Variants in CCDC60 observed in about 807,000 individuals in gnomAD.
The protein encoded by CCDC60 is coiled-coil domain containing 60.
Under a neutral mutation model 63.5 loss-of-function variants are expected in CCDC60, and 54 were observed. The observed-to-expected ratio is 0.85, with a 90% CI of 0.68 to 1.07. CCDC60 has a LOEUF of 1.07. Among genes scored for constraint, CCDC60 ranks in the 50% least tolerant of loss-of-function variants. The pLI, the probability that CCDC60 is intolerant of heterozygous loss-of-function variation, is 0.00. For synonymous variants in CCDC60, 206 were observed against 238.8 expected (o/e 0.86, Z 1.27); for missense variants, 651 against 684.3 (o/e 0.95, Z 0.54).
At chr12:119,419,422 TC>T (rs1956768171) in intron 1 of CCDC60, among the ~76,000 whole-genome samples, 1 of 152,214 alleles carries the variant, frequency 6.6e-6, no homozygotes, top group African/African-American at 2.4e-5. Context: ...GCTGTGCCCT[TC>T]CCAGTGCATC....
intron 1 of CCDC60, among the ~76,000 whole-genome samples, chr12:119,362,051 G>A (rs1022935730): frequency 6.6e-6 from 1 of 152,038 alleles, no homozygotes; most frequent in East Asian, 1.9e-4. Flanking sequence ...GATTGTCCTG[G>A]ACAAACACAT....
At chr12:119,362,190 G>T (rs564408659) in intron 1 of CCDC60, among the ~76,000 whole-genome samples, 1 of 152,184 alleles carries the variant, frequency 6.6e-6, no homozygotes, top group South Asian at 2.1e-4. Context: ...AGACTTGGAG[G>T]TTGATTCTAG....
chr12:119,498,041 T>G (rs147184139), intron 5 of CCDC60, among the ~76,000 whole-genome samples: 2 of 152,326 alleles, frequency 1.3e-5, no homozygotes, highest in African/African-American at 4.8e-5. Flanking sequence ...ACTTTGGGTC[T>G]GTGTGCATTT....
At position 119,500,105 on chromosome 12, in the gene CCDC60, TA is replaced by T. The variant is rs759057262; in HGVS notation, c.592del (p.Ile198SerfsTer44). 1.2e-6 allele frequency: 2 copies of T among 1,611,672 alleles called. No homozygotes were observed. The highest frequency in any genetic ancestry group is 2.2e-5 in the South Asian group (2 of 90,588). On this transcript the variant is annotated frameshift_variant, in exon 6 of 14. Coordinates refer to ENST00000327554, the MANE Select transcript of CCDC60 (RefSeq NM_178499.5). LOFTEE classifies it high-confidence loss of function. ...KDPGGSKSTI[K>X]KINKDKSMGQ... ...ACCCGGGTGGAAGCAAGAGCACCAT[TA>T]AAAAAATCAATAAGGACAAGTCCAT...
intron 2 of CCDC60, among the ~76,000 whole-genome samples, chr12:119,430,913 TC>T (rs1450304444): frequency 6.6e-6 from 1 of 152,214 alleles, no homozygotes; most frequent in African/African-American, 2.4e-5. Context: ...GCTGGGATGT[TC>T]TTGCAGAGAA....
At chr12:119,404,241 G>C (rs535924950) in intron 1 of CCDC60, among the ~76,000 whole-genome samples, 225 of 152,296 alleles carry the variant, frequency 1.5e-3, no homozygotes, top group African/African-American at 5.0e-3. Flanking sequence ...AGTGAGCCAA[G>C]ATCACGCCAC....
Position 119,472,135 on chromosome 12 carries a change from A to G in CCDC60, c.312A>G (p.Ser104=). ...RNKFQPAEKI[S]EIHYGDTLLS... ...AATTCCAGCCAGCCGAAAAGATCTC[A>G]GAAATCCACTATGGGGACACCTTAT... Residue 104 remains serine, a synonymous_variant, in exon 3 of 14, where the codon TCA becomes TCG. Transcript: ENST00000327554. 2 of 1,612,340 alleles carry G rather than the reference A, an allele frequency of 1.2e-6. No homozygotes were observed. Among genetic ancestry groups the G allele is most frequent in the Non-Finnish European group, 8.5e-7 (1 of 1,178,346 alleles).
chr12:119,464,349 T>C lies in CCDC60; in HGVS notation c.171-7645T>C, dbSNP rs549756717. Among the ~76,000 whole-genome samples the C allele has an allele frequency of 2.1e-5, 3 of 144,146 alleles. No individual in the cohort carries two copies. The East Asian group carries it at 6.4e-4, about 31-fold the overall frequency. 94.6% of individuals were successfully genotyped at this position (144,146 alleles called of 152,430 possible). On this transcript the variant is annotated intron_variant, in intron 2 of 13. Transcript: ENST00000327554. ...TCCTCTTTCCTTCCTTCTTCCTTTT[T>C]TCTTCCCTCCCTCCCATTTTCCCTT...
chr12:119,527,272 T>TG (rs1952703004), intron 11 of CCDC60, among the ~76,000 whole-genome samples: 1 of 150,634 alleles, frequency 6.6e-6, no homozygotes, highest in Non-Finnish European at 1.5e-5. Context: ...TGAGGGGGGA[T>TG]GGTGGGAGGA....
intron 3 of CCDC60, among the ~76,000 whole-genome samples, chr12:119,474,849 GA>G (rs965425505): frequency 3.2e-4 from 48 of 151,444 alleles, no homozygotes; most frequent in African/African-American, 9.9e-4. Flanking sequence ...TCTCTTTAAG[GA>G]AAAAAAAGAA....
chr12:119,469,873 T>C (rs1016664961), intron 2 of CCDC60, among the ~76,000 whole-genome samples: 3 of 152,240 alleles, frequency 2.0e-5, no homozygotes, highest in African/African-American at 7.2e-5. Flanking sequence ...ATCTAGCATA[T>C]AACAGAATGT....
chr12:119,488,871 G>T lies in CCDC60; in HGVS notation c.557+5G>T, dbSNP rs1353575252. On this transcript the variant is annotated splice_donor_5th_base_variant and intron_variant, in intron 5 of 13. Transcript: ENST00000327554. ...GATCACCTGCTGGAACCCAAAGTAT[G>T]CCTCAGCCCTTCAACTTGTCTTAGA... The T allele has an allele frequency of 1.2e-6, 2 of 1,610,258 alleles. No homozygotes were observed. Among genetic ancestry groups the T allele is most frequent in the East Asian group, 2.2e-5 (1 of 44,870 alleles).
At chr12:119,421,187 C>T (rs904387865) in intron 1 of CCDC60, among the ~76,000 whole-genome samples, 6 of 152,192 alleles carry the variant, frequency 3.9e-5, no homozygotes, top group African/African-American at 1.4e-4. Flanking sequence ...GAGTTCAGAA[C>T]ATTCTTTCAT....
chr12:119,435,850 C>T (rs1352516827), intron 2 of CCDC60, among the ~76,000 whole-genome samples: 1 of 152,192 alleles, frequency 6.6e-6, no homozygotes, highest in Non-Finnish European at 1.5e-5. Flanking sequence ...CCTTGTGCAC[C>T]TGTAATCAGC....
chr12:119,337,807 C>G (rs1955487022), intron 1 of CCDC60, among the ~76,000 whole-genome samples: 1 of 142,854 alleles, frequency 7.0e-6, no homozygotes, highest in East Asian at 2.1e-4. Flanking sequence ...TAGATTCACG[C>G]ATGTGTGTGT....
intron 1 of CCDC60, among the ~76,000 whole-genome samples, chr12:119,346,817 TTTCTTTCTTTCTTTC>T (rs1238975172): frequency 1.7e-3 from 226 of 134,442 alleles, no homozygotes; most frequent in African/African-American, 2.3e-3. Flanking sequence ...TCTTTCTTTC[TTTCTTTCTTTCTTTC>T]TTTTTTTTTT....
chr12:119,367,629 G>A (rs76742485), intron 1 of CCDC60, among the ~76,000 whole-genome samples: 2,174 of 152,232 alleles, frequency 0.014, 50 homozygotes, highest in African/African-American at 0.05. Context: ...CCAAAAGTCC[G>A]TGAAGTGACA....
intron 7 of CCDC60, among the ~76,000 whole-genome samples, chr12:119,508,072 G>C (rs1593191077): frequency 1.3e-5 from 2 of 152,240 alleles, no homozygotes; most frequent in East Asian, 3.9e-4. Context: ...TTGGGAGGCT[G>C]AGGTCGGGGG....
rs536769427 is a variant in CCDC60 at position 119,483,851 on chromosome 12, T to C, written c.449+4650T>C. Among the ~76,000 whole-genome samples, 14 of 152,248 alleles carry C rather than the reference T, an allele frequency of 9.2e-5. No homozygotes were observed. The East Asian group carries it at 2.5e-3, about 27-fold the overall frequency. ...AAAAATAAATGTTCTCTCTTCTAATTTGATAAAATCCAAGATACTATGCTA... is the reference window on the plus strand; with the variant it reads ...AAAAATAAATGTTCTCTCTTCTAATCTGATAAAATCCAAGATACTATGCTA... On this transcript the variant is annotated intron_variant, in intron 4 of 13. Coordinates refer to ENST00000327554, the MANE Select transcript of CCDC60 (RefSeq NM_178499.5).
Sources: gnomAD v4.1 joint callset for allele counts (sites outside exome capture counted in the v4.1 genomes callset) on GRCh38, gnomAD v4.1.1 for gene constraint, MANE v1.5 for transcripts, NCBI Gene and HGNC (gene_info 2026-07-23, HGNC 2026-07-21) for gene names.